The following SCLY variants were observed in gnomAD, a reference collection of about 807,000 sequenced individuals.
SCLY encodes the protein putative selenocysteine lyase.
In SCLY, 38 loss-of-function variants were observed where a neutral mutation model predicts 50.1. That is an observed-to-expected ratio of 0.76 (90% CI 0.59 to 0.99). The LOEUF is 0.99. SCLY is among the 50% of genes least tolerant of loss of function. SCLY has a pLI of 0.00. For synonymous variants in SCLY, 243 were observed against 249.4 expected (o/e 0.97, Z 0.24); for missense variants, 600 against 620.0 (o/e 0.97, Z 0.34).
At chr2:238,082,982 A>G (rs1392101771) in intron 6 of SCLY, 6 of 464,038 alleles carry the variant, frequency 1.3e-5, no homozygotes, top group East Asian at 4.2e-5. Context: ...ATTCTATCAC[A>G]TGATGCGCAG....
Position 238,089,413 on chromosome 2 carries a change from T to A in SCLY, c.885-1805T>A, listed in dbSNP as rs1013939612. Among the ~76,000 whole-genome samples, 8 of 152,062 alleles carry A rather than the reference T, an allele frequency of 5.3e-5. No individual in the cohort carries two copies. The South Asian group carries it at 1.7e-3, about 32-fold the overall frequency. ...GAAATAGGCCCATATGAGTTACGGG[T>A]GCAGATACAACCGCAGGAGACGCAA... On this transcript the variant is annotated intron_variant, in intron 7 of 11. Coordinates refer to ENST00000254663, the MANE Select transcript of SCLY (RefSeq NM_016510.7).
At chr2:238,088,403 A>G (rs554512101) in intron 7 of SCLY, among the ~76,000 whole-genome samples, 10 of 152,308 alleles carry the variant, frequency 6.6e-5, no homozygotes, top group African/African-American at 2.2e-4. Flanking sequence ...CAGAGTTTGC[A>G]TGAGCTGAGA....
At chr2:238,061,324 G>C (rs1302559289) in intron 1 of SCLY, 181 bp downstream of exon 1, 1 of 708,238 alleles carries the variant, frequency 1.4e-6, no homozygotes, top group African/African-American at 1.8e-5. Context: ...GGTGCGAGCT[G>C]TGGCCCCGCA....
chr2:238,086,732 A>G (rs1303028843), intron 7 of SCLY, among the ~76,000 whole-genome samples: 2 of 147,974 alleles, frequency 1.4e-5, no homozygotes, highest in Non-Finnish European at 3.0e-5. Context: ...AAAAAAAGAC[A>G]ATATTGGCCA....
At chr2:238,074,143 C>A (rs2065151406) in intron 4 of SCLY, among the ~76,000 whole-genome samples, 1 of 151,826 alleles carries the variant, frequency 6.6e-6, no homozygotes, top group South Asian at 2.1e-4. Context: ...CCCATCTCTA[C>A]TAAATATACA....
intron 10 of SCLY, chr2:238,094,787 C>T: frequency 2.3e-6 from 1 of 426,476 alleles, no homozygotes; most frequent in Non-Finnish European, 4.1e-6. Flanking sequence ...TCGTGTCTGG[C>T]ATTAGCGCCA....
In SCLY at chr2:238,069,747, A is replaced by G. The variant is rs2065109627; in HGVS notation, c.484+270A>G. On this transcript the variant is annotated intron_variant, in intron 4 of 11. Coordinates refer to ENST00000254663, the MANE Select transcript of SCLY (RefSeq NM_016510.7). This position sits in a 1 kb window ranked among gnomAD's most constrained non-coding sequence, Gnocchi z 5.0. ...AAGTGTGGCCAAACTTTCCCTTAGG[A>G]AGTTCATTGAGAATGAATATGTAGA... is the stretch of plus-strand genomic sequence containing the variant. 2.6e-6 allele frequency: 1 copy of G among 380,214 alleles called. No individual in the cohort carries two copies. Among genetic ancestry groups the G allele is most frequent in the South Asian group, 7.2e-5 (1 of 13,878 alleles). 23.6% of individuals were successfully genotyped at this position (380,214 alleles called of 1,614,324 possible). A position where few individuals can be genotyped will look rare whatever the true frequency, so the allele number is the denominator to read the frequency against.
chr2:238,085,525 T>A (rs2065285656), intron 7 of SCLY, among the ~76,000 whole-genome samples: 1 of 151,086 alleles, frequency 6.6e-6, no homozygotes, highest in Non-Finnish European at 1.5e-5. Context: ...GAGACCATCC[T>A]GGCTAACACG....
Position 238,064,449 on chromosome 2 carries a change from C to T in SCLY, c.182C>T (p.Pro61Leu), listed in dbSNP as rs1329061272. ...GCCATGTGGGAAGCCTGGGGAAATCCCAGCAGCCCGTATTCAGCAGGTAAT... is the reference window on the plus strand; with the variant it reads ...GCCATGTGGGAAGCCTGGGGAAATCTCAGCAGCCCGTATTCAGCAGGTAAT... ...TKAMWEAWGN[P>L]SSPYSAGRKA... Residue 61 changes from proline (P) to leucine (L), a missense_variant, in exon 2 of 12, where the codon CCC becomes CTC. Coordinates refer to ENST00000254663, the MANE Select transcript of SCLY (RefSeq NM_016510.7). 4 of 1,608,460 alleles carry T rather than the reference C, an allele frequency of 2.5e-6. No individual in the cohort carries two copies. Among genetic ancestry groups the T allele is most frequent in the Non-Finnish European group, 3.4e-6 (4 of 1,177,718 alleles).
chr2:238,078,375 T>A (rs139027199), intron 4 of SCLY, among the ~76,000 whole-genome samples: 1 of 152,310 alleles, frequency 6.6e-6, no homozygotes, highest in African/African-American at 2.4e-5. Flanking sequence ...GTTTCCTAGA[T>A]GTCTCATATA....
chr2:238,063,315 T>C (rs1407263191), intron 1 of SCLY, among the ~76,000 whole-genome samples: 3 of 151,192 alleles, frequency 2.0e-5, no homozygotes, highest in African/African-American at 7.3e-5. Flanking sequence ...TGCAGTGATA[T>C]GATCTCGGCT....
intron 4 of SCLY, among the ~76,000 whole-genome samples, chr2:238,070,187 G>C (rs968920319): frequency 6.6e-6 from 1 of 152,214 alleles, no homozygotes; most frequent in Non-Finnish European, 1.5e-5. Flanking sequence ...TGTTCACCAG[G>C]TGTAGATCAT....
intron 11 of SCLY, 81 bp from the exon 12 acceptor site, chr2:238,098,121 G>C: frequency 1.3e-6 from 2 of 1,513,180 alleles, no homozygotes; most frequent in Middle Eastern, 1.8e-4. Context: ...GCCCCACTAG[G>C]GGAGTGGTCC....
At chr2:238,071,835 CCTCT>C (rs1452256337) in intron 4 of SCLY, among the ~76,000 whole-genome samples, 2 of 152,176 alleles carry the variant, frequency 1.3e-5, no homozygotes, top group African/African-American at 2.4e-5. Context: ...CCTCGCACTC[CCTCT>C]GTCTCCACAC....
chr2:238,071,378 G>A (rs192249110), intron 4 of SCLY, among the ~76,000 whole-genome samples: 2 of 152,124 alleles, frequency 1.3e-5, no homozygotes, highest in Admixed American at 6.5e-5. Context: ...AGGCTGAGGC[G>A]GACAGATCAC....
In SCLY at chr2:238,098,438, T is replaced by A. The variant is rs886723454; in HGVS notation, c.*83T>A. 5 of 1,388,924 alleles carry A rather than the reference T, an allele frequency of 3.6e-6. No homozygotes were observed. The South Asian group carries it at 7.0e-5, about 20-fold the overall frequency. The allele number at this position is 1,388,924 out of a possible 1,614,324, so 86.0% of individuals were successfully genotyped here. A position where few individuals can be genotyped will look rare whatever the true frequency, so the allele number is the denominator to read the frequency against. On this transcript the variant is annotated 3_prime_UTR_variant, in exon 12 of 12. Coordinates refer to ENST00000254663, the MANE Select transcript of SCLY (RefSeq NM_016510.7). ...GTCCCTCCAGTTCCCTCCTGAGGGC[T>A]GTGCCAGGATGACTGTCTCATGCCC...
At position 238,098,633 on chromosome 2, in the gene SCLY, G is replaced by GGGACCGCCCACATGGGACCGCCCACATA. The variant is rs1559254787; in HGVS notation, c.*280_*307dup. 1.3e-4 allele frequency: 30 copies of GGGACCGCCCACATGGGACCGCCCACATA among 230,726 alleles called. No homozygotes were observed. Among genetic ancestry groups the GGGACCGCCCACATGGGACCGCCCACATA allele is most frequent in the South Asian group, 4.0e-4 (3 of 7,574 alleles). 14.3% of individuals were successfully genotyped at this position (230,726 alleles called of 1,614,324 possible). On this transcript the variant is annotated 3_prime_UTR_variant, in exon 12 of 12. Transcript: ENST00000254663. The stretch of plus-strand genomic sequence containing the variant: ...ACCGCCCACATGGGACCGCCCACAT[G>GGGACCGCCCACATGGGACCGCCCACATA]GGACCGCCCACATGGGACCGCCCAC...
chr2:238,099,166 G>C lies in SCLY; in HGVS notation c.*811G>C, dbSNP rs1052883437. ...ACCTCGCTGAGTTGGTGCAGCTCCAGGTCATTCCTGGGGTGGGAATCGGAT... is the reference window on the plus strand; with the variant it reads ...ACCTCGCTGAGTTGGTGCAGCTCCACGTCATTCCTGGGGTGGGAATCGGAT... On this transcript the variant is annotated 3_prime_UTR_variant, in exon 12 of 12. Transcript: ENST00000254663. The C allele has an allele frequency of 2.2e-6, 1 of 453,062 alleles. No homozygotes were observed. Among genetic ancestry groups the C allele is most frequent in the African/African-American group, 2.0e-5 (1 of 49,324 alleles). 28.1% of individuals were successfully genotyped at this position (453,062 alleles called of 1,614,324 possible).
In SCLY at chr2:238,093,912, G is replaced by C. The variant is rs1424832082; in HGVS notation, c.973G>C (p.Asp325His). The change falls in exon 9 of 12, where the codon GAC (aspartate) becomes CAC (histidine). Residue 325 changes from aspartate to histidine, a missense_variant. Physicochemically the swap from Asp to His is moderately conservative, Grantham distance 81. Transcript: ENST00000254663. ...CGAGGCTTATGAGGCCCACATGAGGGACGTCCGCGACTACCTGGAAGAGAG... is the reference window on the plus strand; with the variant it reads ...CGAGGCTTATGAGGCCCACATGAGGCACGTCCGCGACTACCTGGAAGAGAG... ...NCEAYEAHMR[D>H]VRDYLEERLE... 1 of 1,613,876 alleles carries C rather than the reference G, an allele frequency of 6.2e-7. No individual in the cohort carries two copies. The highest frequency in any genetic ancestry group is 8.5e-7 in the Non-Finnish European group (1 of 1,180,020).
Sources: gnomAD v4.1 joint callset for allele counts (sites outside exome capture counted in the v4.1 genomes callset) on GRCh38, gnomAD v4.1.1 for gene constraint, Gnocchi (gnomAD v3.1) non-coding constraint, MANE v1.5 for transcripts, NCBI Gene and HGNC (gene_info 2026-07-23, HGNC 2026-07-21) for gene names.